The following LAMA3 variants were observed in gnomAD, a reference collection of about 807,000 sequenced individuals.
The protein encoded by LAMA3 is laminin subunit alpha-3.
Under a neutral mutation model 402.0 loss-of-function variants are expected in LAMA3, and 281 were observed. The ratio of observed to expected loss-of-function variants is 0.70; its 90% confidence interval spans 0.63 to 0.77. The LOEUF is 0.77. Ranked by LOEUF, LAMA3 falls within the 30% of genes least tolerant of loss-of-function variation. The pLI is 0.00. For missense variants in LAMA3, 3,840 were observed against 4,215.5 expected (o/e 0.91, Z 2.47); for synonymous variants, 1,431 against 1,558.4 (o/e 0.92, Z 1.93).
At position 23,689,781 on chromosome 18, in the gene LAMA3, G is replaced by A; in HGVS notation, c.98G>A (p.Gly33Glu). The A allele has an allele frequency of 6.5e-7, 1 of 1,531,718 alleles. No homozygotes were observed. Among genetic ancestry groups the A allele is most frequent in the Non-Finnish European group, 8.8e-7 (1 of 1,140,628 alleles). 94.9% of individuals were successfully genotyped at this position (1,531,718 alleles called of 1,614,324 possible). The change falls in exon 1 of 75, where the codon GGG becomes GAG. Residue 33 changes from glycine (G) to glutamate (E), a missense_variant. Around this residue, in one of 3 missense-constraint regions of LAMA3, gnomAD observed 2,109 missense variants for 2,376.0 expected, o/e 0.89. Coordinates refer to ENST00000313654, the MANE Select transcript of LAMA3 (RefSeq NM_198129.4). ...GTACTGCGGGTGCTGCCAGCCTGCG[G>A]GGCGACCGCTCGGGATCCCGGGGCC... ...LLVLRVLPACGATARDPGAAA... is the reference protein window; with the variant it reads ...LLVLRVLPACEATARDPGAAA...
At chr18:23,939,138 A>C in intron 67 of LAMA3, 85 bp from the exon 68 acceptor site, 1 of 1,392,698 alleles carries the variant, frequency 7.2e-7, no homozygotes, top group Non-Finnish European at 1.0e-6. Context: ...CTTAGGATCA[A>C]GGGTGAAAAT....
intron 2 of LAMA3, among the ~76,000 whole-genome samples, chr18:23,738,675 C>G (rs973289061): frequency 1.3e-5 from 2 of 152,186 alleles, no homozygotes; most frequent in African/African-American, 2.4e-5. Flanking sequence ...GTCCTGACCA[C>G]ACGTCAGCCC....
intron 18 of LAMA3, 133 bp from the exon 19 acceptor site, chr18:23,819,708 T>C: frequency 1.2e-6 from 1 of 803,102 alleles, no homozygotes. Context: ...AGAAGATCTT[T>C]CTCATTTGTC....
At chr18:23,802,700 C>T (rs2062888138) in intron 12 of LAMA3, among the ~76,000 whole-genome samples, 1 of 152,172 alleles carries the variant, frequency 6.6e-6, no homozygotes, top group South Asian at 2.1e-4. Flanking sequence ...ACCACCAGAG[C>T]AGAAGGCAGC....
At chr18:23,863,812 TTG>T (rs1438266841) in intron 35 of LAMA3, among the ~76,000 whole-genome samples, 2 of 152,140 alleles carry the variant, frequency 1.3e-5, no homozygotes, top group East Asian at 1.9e-4. Context: ...TCCTTCTTGA[TTG>T]TGTTTTACTT....
intron 1 of LAMA3, among the ~76,000 whole-genome samples, chr18:23,695,767 AG>A (rs2060672416): frequency 1.7e-5 from 2 of 120,454 alleles, no homozygotes; most frequent in Non-Finnish European, 3.2e-5. Flanking sequence ...ACTGCACTCC[AG>A]CCTGGGTGAC....
At chr18:23,920,900 G>C (rs1350160191) in intron 60 of LAMA3, 35 bp from the exon 61 acceptor site, 2 of 1,612,800 alleles carry the variant, frequency 1.2e-6, no homozygotes, top group Non-Finnish European at 1.7e-6. Flanking sequence ...CTTCAGCCAA[G>C]CCTTCTGGTC....
chr18:23,741,176 G>A (rs188129212), intron 2 of LAMA3, among the ~76,000 whole-genome samples: 2 of 152,026 alleles, frequency 1.3e-5, no homozygotes, highest in Admixed American at 1.3e-4. Context: ...AGCCAGGAGA[G>A]TCTCGATCTC....
chr18:23,947,996 T>G (rs2145543823), intron 70 of LAMA3, among the ~76,000 whole-genome samples: 2 of 152,202 alleles, frequency 1.3e-5, no homozygotes, highest in South Asian at 4.2e-4. Context: ...TATTTTTTAG[T>G]AGAGACGGGG....
In LAMA3 at chr18:23,899,341, G is replaced by A. The variant is rs975689807; in HGVS notation, c.5890G>A (p.Gly1964Ser). The A allele has an allele frequency of 6.2e-7, 1 of 1,613,968 alleles. No individual in the cohort carries two copies. The highest frequency in any genetic ancestry group is 8.5e-7 in the Non-Finnish European group (1 of 1,180,030). Residue 1964 changes from glycine (G) to serine (S), a missense_variant, in exon 47 of 75, where the codon GGT becomes AGT. By Grantham distance (56) the Gly-to-Ser change is moderately conservative (BLOSUM62 0). This residue lies in a region of LAMA3 where 891 missense variants were observed against 857.5 expected (regional missense o/e 1.04). Transcript: ENST00000313654. ...TDGEGNNVPS[G>S]DFSREWAEAQ... is the part of the protein sequence containing the mutation. ...TGGAGAGGGAAACAACGTGCCTTCA[G>A]GTGACTTTTCCAGAGAGTGGGCTGA...
chr18:23,777,936 G>A (rs2062358731), intron 11 of LAMA3, among the ~76,000 whole-genome samples: 1 of 152,244 alleles, frequency 6.6e-6, no homozygotes, highest in African/African-American at 2.4e-5. Flanking sequence ...CCTGAAAAAG[G>A]AATGGAGAGC....
At chr18:23,788,458 A>C (rs758795680) in intron 12 of LAMA3, among the ~76,000 whole-genome samples, 7 of 152,040 alleles carry the variant, frequency 4.6e-5, no homozygotes, top group Non-Finnish European at 1.0e-4. Flanking sequence ...ACTAGAAAAT[A>C]TCTAATACAG....
In LAMA3 at chr18:23,899,064, C is replaced by T. The variant is rs142204005; in HGVS notation, c.5835C>T (p.His1945=). ...TTAAAAATGTCATCCGGAATGTGCA[C>T]AGTAAGAAGAGTTATTAAGCCCAAT... ...VKIKNVIRNV[H]ILLKQISGTD... is the part of the protein sequence containing the mutation. Residue 1945 remains histidine (H), a splice_region_variant and synonymous_variant, in exon 46 of 75, where the codon CAC becomes CAT. Coordinates refer to ENST00000313654, the MANE Select transcript of LAMA3 (RefSeq NM_198129.4). 7.5e-6 allele frequency: 12 copies of T among 1,609,042 alleles called. No homozygotes were observed. In the African/African-American group the frequency reaches 9.4e-5, roughly 13 times the overall value.
At chr18:23,796,035 A>G (rs895930419) in intron 12 of LAMA3, 2 of 430,348 alleles carry the variant, frequency 4.6e-6, no homozygotes, top group Non-Finnish European at 9.2e-6. Flanking sequence ...CCCAGTGAAA[A>G]GGTGGCCATC....
At chr18:23,899,489 A>G (rs750861392) in intron 47 of LAMA3, 34 bp downstream of exon 47, 4 of 1,605,576 alleles carry the variant, frequency 2.5e-6, no homozygotes, top group East Asian at 2.2e-5. Flanking sequence ...CATCCAGTCC[A>G]TTCTAATTGA....
intron 42 of LAMA3, among the ~76,000 whole-genome samples, chr18:23,893,408 C>G (rs905599085): frequency 6.6e-6 from 1 of 152,090 alleles, no homozygotes; most frequent in Non-Finnish European, 1.5e-5. Context: ...TATGGTGAAA[C>G]CCCGTCTCTA....
chr18:23,748,215 G>A (rs1237487950), intron 3 of LAMA3, among the ~76,000 whole-genome samples, 155 bp downstream of exon 3: 3 of 152,176 alleles, frequency 2.0e-5, no homozygotes, highest in Non-Finnish European at 4.4e-5. Flanking sequence ...GATTACCTGA[G>A]GTCAGGAGTT....
intron 1 of LAMA3, among the ~76,000 whole-genome samples, chr18:23,700,297 C>T (rs1225063228): frequency 6.6e-6 from 1 of 152,104 alleles, no homozygotes; most frequent in African/African-American, 2.4e-5. Flanking sequence ...ATTGGGCCCC[C>T]TTTCCTGTAA....
At chr18:23,757,366 C>T (rs369173013) in intron 6 of LAMA3, among the ~76,000 whole-genome samples, 2 of 152,022 alleles carry the variant, frequency 1.3e-5, no homozygotes, top group African/African-American at 4.8e-5. Context: ...AGGCCTCCAG[C>T]CTGCTTGGCG....
Sources: gnomAD v4.1 joint callset for allele counts (sites outside exome capture counted in the v4.1 genomes callset) on GRCh38, gnomAD v4.1.1 for gene constraint, gnomAD v4.1.1 regional missense constraint, MANE v1.5 for transcripts, NCBI Gene and HGNC (gene_info 2026-07-23, HGNC 2026-07-21) for gene names.